Variants in PKD1L1 observed in about 807,000 individuals in gnomAD.
PKD1L1 encodes polycystin 1 like 1, transient receptor potential channel interacting, also known as polycystin-1-like protein 1.
Under a neutral mutation model 323.4 loss-of-function variants are expected in PKD1L1, and 236 were observed. The observed-to-expected ratio is 0.73, with a 90% confidence interval of 0.66 to 0.81. The LOEUF (loss-of-function observed/expected upper bound fraction) is 0.81, where lower values mean the gene tolerates loss of function less well. PKD1L1 is among the 40% of genes least tolerant of loss of function. The pLI is 0.00. For synonymous variants in PKD1L1, 1,344 were observed against 1,335.0 expected (o/e 1.01, Z -0.15); for missense variants, 3,320 against 3,508.0 (o/e 0.95, Z 1.35).
chr7:47,904,869 T>C (rs889231141), intron 11 of PKD1L1, among the ~76,000 whole-genome samples: 2 of 152,160 alleles, frequency 1.3e-5, no homozygotes, highest in African/African-American at 4.8e-5. Flanking sequence ...CATTGCCCTT[T>C]CTTAGATGAG....
Position 47,904,519 on chromosome 7 carries a change from G to A in PKD1L1, c.1790C>T (p.Thr597Met), listed in dbSNP as rs1266263317. 10 of 1,614,028 alleles carry A rather than the reference G, an allele frequency of 6.2e-6. No individual in the cohort carries two copies. The highest frequency in any genetic ancestry group is 1.1e-5 in the South Asian group (1 of 91,084). Residue 597 changes from threonine to methionine, a missense_variant, in exon 12 of 57, where the codon ACG becomes ATG. Coordinates refer to ENST00000289672, the MANE Select transcript of PKD1L1 (RefSeq NM_138295.5). ...ATTTACCAGAGCTGAGGAGGGGGAC[G>A]TGAGCCGATTGGCCACAATTTTCTT... ...VQKKIVANRL[T>M]SPSSALVNAS...
intron 18 of PKD1L1, among the ~76,000 whole-genome samples, chr7:47,885,271 C>A (rs1373162748): frequency 6.6e-6 from 1 of 152,142 alleles, no homozygotes; most frequent in Admixed American, 6.5e-5. Context: ...GAGACAGATG[C>A]CAGGTCAGAG....
chr7:47,931,555 G>C (rs1787772168), intron 5 of PKD1L1, among the ~76,000 whole-genome samples: 1 of 152,246 alleles, frequency 6.6e-6, no homozygotes, highest in Non-Finnish European at 1.5e-5. Context: ...GCACCAGCTA[G>C]AACTATGAGG....
Position 47,915,529 on chromosome 7 carries a change from T to A in PKD1L1, c.1131A>T (p.Thr377=), listed in dbSNP as rs1290763237. 3 of 1,541,412 alleles carry A rather than the reference T, an allele frequency of 1.9e-6. No individual in the cohort carries two copies. The highest frequency in any genetic ancestry group is 2.7e-6 in the Non-Finnish European group (3 of 1,114,028). The change falls in exon 8 of 57, where the codon ACA becomes ACT. Residue 377 remains threonine (T), a synonymous_variant. Coordinates refer to ENST00000289672, the MANE Select transcript of PKD1L1 (RefSeq NM_138295.5). ...TTTGGCACAAGTAAACATTTAAAGT[T>A]GTATTTTGTGTCTCTGCTTCTTTGT... ...STYKEAETQN[T]TLNVYLCQSE... is the part of the protein sequence containing the mutation.
chr7:47,856,800 A>T (rs1785913737), intron 28 of PKD1L1, among the ~76,000 whole-genome samples: 3 of 152,236 alleles, frequency 2.0e-5, no homozygotes, highest in Admixed American at 2.0e-4. Flanking sequence ...GCTGTAAAAG[A>T]TGAGCATTTT....
intron 9 of PKD1L1, among the ~76,000 whole-genome samples, chr7:47,906,651 T>A (rs531902720): frequency 1.3e-5 from 2 of 152,126 alleles, no homozygotes; most frequent in Non-Finnish European, 2.9e-5. Flanking sequence ...TAAAAGGGTA[T>A]TAAGAAAGGA....
chr7:47,935,140 T>C (rs1014132335), intron 4 of PKD1L1, among the ~76,000 whole-genome samples: 11 of 152,238 alleles, frequency 7.2e-5, no homozygotes, highest in Non-Finnish European at 1.0e-4. Context: ...TTCTTGCTAA[T>C]TGAACAGTTA....
intron 7 of PKD1L1, among the ~76,000 whole-genome samples, chr7:47,921,654 T>G (rs1317906478): frequency 1.5e-5 from 2 of 137,586 alleles, no homozygotes; most frequent in African/African-American, 2.9e-5. Context: ...CATCAATCAA[T>G]GAGTGGATAA....
intron 52 of PKD1L1, among the ~76,000 whole-genome samples, chr7:47,806,774 G>T (rs1209917384): frequency 6.6e-6 from 1 of 152,220 alleles, no homozygotes; most frequent in African/African-American, 2.4e-5. Flanking sequence ...AATAACTGTT[G>T]AATGTGCTAG....
the PKD1L1 span, among the ~76,000 whole-genome samples, chr7:47,960,675 TAA>T: frequency 2.1e-5 from 3 of 140,092 alleles, no homozygotes; most frequent in African/African-American, 5.5e-5. Flanking sequence ...GGAGCAGAAA[TAA>T]ATAATTTTTC....
chr7:47,881,724 G>A (rs781243723), intron 20 of PKD1L1, among the ~76,000 whole-genome samples, 185 bp downstream of exon 20: 2 of 152,128 alleles, frequency 1.3e-5, no homozygotes, highest in African/African-American at 4.8e-5. Flanking sequence ...AGCAACAGAC[G>A]CTAACTTTAC....
chr7:47,819,596 G>A (rs751603198), intron 46 of PKD1L1: 1 of 1,359,360 alleles, frequency 7.4e-7, no homozygotes, highest in South Asian at 1.2e-5. Context: ...TTTCACAAAT[G>A]AGGAGGCAGA....
In PKD1L1 at chr7:47,827,450, G is replaced by T; in HGVS notation, c.6754C>A (p.Gln2252Lys). The change falls in exon 45 of 57, where the codon CAA becomes AAA. Residue 2252 changes from glutamine (Q) to lysine (K), a missense_variant. By Grantham distance (53) the Gln-to-Lys change is moderately conservative. Transcript: ENST00000289672. ...EVEKVLAARQ[Q>K]ARHLRWAHPP... ...TGCGCCCAGCGCAGGTGGCGAGCTT[G>T]TTGTCGGGCAGCCAAGACCTGTCAG... The T allele has an allele frequency of 1.2e-6, 2 of 1,609,906 alleles. No homozygotes were observed.
chr7:47,873,790 G>T, intron 24 of PKD1L1, 109 bp downstream of exon 24: 1 of 731,440 alleles, frequency 1.4e-6, no homozygotes, highest in Non-Finnish European at 2.2e-6. Flanking sequence ...ATCTTAAGAA[G>T]ATGAGTTCCT....
At chr7:47,909,219 T>C (rs932680657) in intron 8 of PKD1L1, among the ~76,000 whole-genome samples, 39 of 152,348 alleles carry the variant, frequency 2.6e-4, no homozygotes, top group African/African-American at 8.9e-4. Flanking sequence ...TTTGATTGTG[T>C]CATTCCCCAG....
At chr7:47,959,753 T>TG in the PKD1L1 span, among the ~76,000 whole-genome samples, 2 of 130,336 alleles carry the variant, frequency 1.5e-5, no homozygotes, top group African/African-American at 2.9e-5. Flanking sequence ...GGTGGAGGGG[T>TG]CAGCCCCCCG....
chr7:47,799,136 G>GT (rs762744007), intron 54 of PKD1L1, among the ~76,000 whole-genome samples: 3 of 152,174 alleles, frequency 2.0e-5, no homozygotes, highest in Non-Finnish European at 2.9e-5. Flanking sequence ...GCATTCTTTA[G>GT]TTTTTTGTTG....
At chr7:47,818,026 G>T (rs1016802754) in intron 46 of PKD1L1, 2 of 1,363,584 alleles carry the variant, frequency 1.5e-6, no homozygotes, top group South Asian at 2.3e-5. Flanking sequence ...ATCTTTGCAG[G>T]TCTTTTATTG....
chr7:47,842,592 C>T (rs1005507298), intron 34 of PKD1L1, among the ~76,000 whole-genome samples: 4 of 152,186 alleles, frequency 2.6e-5, no homozygotes. Flanking sequence ...TCTTCCCACC[C>T]CATCTTCATC....
Sources: allele counts gnomAD v4.1 joint callset (sites outside exome capture counted in the v4.1 genomes callset), GRCh38; gene constraint gnomAD v4.1.1; transcripts MANE v1.5; gene names NCBI Gene and HGNC (gene_info 2026-07-23, HGNC 2026-07-21).